Variants in OR6J1 observed in about 807,000 individuals in gnomAD.
OR6J1 encodes olfactory receptor family 6 subfamily J member 1.
For missense variants in OR6J1, 304 were observed against 166.8 expected (o/e 1.82, Z -4.53); for synonymous variants, 109 against 70.0 (o/e 1.56, Z -2.78).
chr14:22,641,707 TA>T (rs535015293), intron 1 of OR6J1, among the ~76,000 whole-genome samples: 4,247 of 152,076 alleles, frequency 0.028, 68 homozygotes, highest in Non-Finnish European at 0.041. Flanking sequence ...GCAGAGATGG[TA>T]AAAAAAATTG....
intron 1 of OR6J1, among the ~76,000 whole-genome samples, chr14:22,641,600 GATATAT>G (rs147818966): frequency 6.7e-6 from 1 of 150,168 alleles, no homozygotes; most frequent in Non-Finnish European, 1.5e-5. Flanking sequence ...ATTCTAAAAG[GATATAT>G]ATATATATAC....
At position 22,633,995 on chromosome 14, in the gene OR6J1, G is replaced by C; in HGVS notation, c.817C>G (p.Pro273Ala). Residue 273 changes from proline to alanine, a missense_variant, in exon 2 of 2, where the codon CCT becomes GCT. Coordinates refer to ENST00000540461, the MANE Select transcript of OR6J1 (RefSeq NM_001348233.2). ...GTCACCACACTGCTCAGAACCAAAG[G>C]GATCTTGTTGATCTCCAGATATTCT... The part of the protein sequence containing the change: ...QKEYLEINKI[P>A]LVLSSVVTPF... The C allele has an allele frequency of 1.4e-6, 1 of 702,832 alleles. No homozygotes were observed. The highest frequency in any genetic ancestry group is 2.6e-6 in the Non-Finnish European group (1 of 384,842). The allele number at this position is 702,832 out of a possible 1,614,324, so 43.5% of individuals were successfully genotyped here.
At chr14:22,641,787 C>T (rs970396373) in intron 1 of OR6J1, among the ~76,000 whole-genome samples, 2 of 152,048 alleles carry the variant, frequency 1.3e-5, no homozygotes, top group African/African-American at 4.8e-5. Flanking sequence ...ATCACAGAAA[C>T]AGAGGAAAAA....
At position 22,637,093 on chromosome 14, in the gene OR6J1, T is replaced by A. The variant is rs1477688757; in HGVS notation, c.-27-2255A>T. ...CTGTCTGGGATGTGAGGAGCGCCTC[T>A]GCTGGCCGCAACCCTGTCTGAGAGG... On this transcript the variant is annotated intron_variant, in intron 1 of 1. Transcript: ENST00000540461. Among the ~76,000 whole-genome samples, 11 of 119,472 alleles carry A rather than the reference T, an allele frequency of 9.2e-5. 2 individuals are homozygous for A. The highest frequency in any genetic ancestry group is 1.6e-4 in the Non-Finnish European group (10 of 61,254). 78.4% of individuals were successfully genotyped at this position (119,472 alleles called of 152,430 possible). A position where few individuals can be genotyped will look rare whatever the true frequency, so the allele number is the denominator to read the frequency against.
In OR6J1 at chr14:22,634,754, T is replaced by C. The variant is rs1249185468; in HGVS notation, c.58A>G (p.Arg20Gly). The C allele has an allele frequency of 4.3e-6, 3 of 704,750 alleles. No individual in the cohort carries two copies. Among genetic ancestry groups the C allele is most frequent in the East Asian group, 2.7e-5 (1 of 37,368 alleles). 43.7% of individuals were successfully genotyped at this position (704,750 alleles called of 1,614,324 possible). ...EFVLLGFSLSREVELLLLVLL... is the reference protein window; with the variant it reads ...EFVLLGFSLSGEVELLLLVLL... ...ACCAGGAGCAGCAGCTCCACCTCCC[T>C]GCTCAGGGAAAACCCCAGCAGAACA... Residue 20 changes from arginine to glycine, a missense_variant, in exon 2 of 2, where the codon AGG becomes GGG. Transcript: ENST00000540461.
intron 1 of OR6J1, among the ~76,000 whole-genome samples, chr14:22,635,987 T>C (rs978655334): frequency 3.3e-5 from 5 of 151,934 alleles, no homozygotes; most frequent in African/African-American, 1.2e-4. Context: ...AGCCTTCAAA[T>C]AAAGTTAAAG....
At chr14:22,637,154 A>G (rs1222026482) in intron 1 of OR6J1, among the ~76,000 whole-genome samples, 1 of 110,444 alleles carries the variant, frequency 9.1e-6, no homozygotes, top group Non-Finnish European at 1.7e-5. Context: ...CTGTCTGAGA[A>G]GTGAGGAAAC....
In OR6J1 at chr14:22,638,912, A is replaced by G. The variant is rs1280718852; in HGVS notation, c.-27-4074T>C. Among the ~76,000 whole-genome samples, 6 of 115,644 alleles carry G rather than the reference A, an allele frequency of 5.2e-5. 1 individual carries two copies. In the East Asian group the frequency reaches 6.8e-4, roughly 13 times the overall value. The allele number at this position is 115,644 out of a possible 152,430, so 75.9% of individuals were successfully genotyped here. On this transcript the variant is annotated intron_variant, in intron 1 of 1. Coordinates refer to ENST00000540461, the MANE Select transcript of OR6J1 (RefSeq NM_001348233.2). ...TTCCCAGCCGCCATCACATCTAGGA[A>G]GTGAGGAGCGTCTCTGCCCGGCCGC...
intron 1 of OR6J1, 104 bp downstream of exon 1, chr14:22,643,994 A>C (rs2139300626): frequency 6.6e-6 from 1 of 152,328 alleles, no homozygotes; most frequent in East Asian, 1.9e-4. Flanking sequence ...TCACATCAGA[A>C]ATATTAAGAA....
At chr14:22,639,207 C>T (rs1342383578) in intron 1 of OR6J1, among the ~76,000 whole-genome samples, 1 of 120,844 alleles carries the variant, frequency 8.3e-6, no homozygotes, top group African/African-American at 4.7e-5. Context: ...CTCCGCCCGG[C>T]AGCCACCCCG....
At chr14:22,639,679 C>A (rs999491602) in intron 1 of OR6J1, among the ~76,000 whole-genome samples, 1 of 125,802 alleles carries the variant, frequency 7.9e-6, no homozygotes, top group African/African-American at 4.1e-5. Flanking sequence ...TGATCTGTGA[C>A]CTTACCCCCA....
intron 1 of OR6J1, among the ~76,000 whole-genome samples, chr14:22,637,935 C>T (rs1407074916): frequency 1.2e-5 from 1 of 82,464 alleles, no homozygotes; most frequent in Non-Finnish European, 2.3e-5. Context: ...CCGGCCGCCC[C>T]GTCCGGGAGG....
chr14:22,643,748 C>CAG (rs2037668504), intron 1 of OR6J1, among the ~76,000 whole-genome samples: 1 of 108,584 alleles, frequency 9.2e-6, no homozygotes, highest in Admixed American at 1.1e-4. Context: ...CACACACACA[C>CAG]ACACACACAC....
chr14:22,639,047 C>T lies in OR6J1; in HGVS notation c.-27-4209G>A, dbSNP rs533473655. ...CTGGGAGGTGAGGAGCGTCTCTGCC[C>T]GGCCGCCCCGTCTGAGAAGTGAGGA... On this transcript the variant is annotated intron_variant, in intron 1 of 1. Coordinates refer to ENST00000540461, the MANE Select transcript of OR6J1 (RefSeq NM_001348233.2). Among the ~76,000 whole-genome samples, 14 of 101,016 alleles carry T rather than the reference C, an allele frequency of 1.4e-4. No individual in the cohort carries two copies. In the South Asian group the frequency reaches 1.5e-3, roughly 11 times the overall value. 66.3% of individuals were successfully genotyped at this position (101,016 alleles called of 152,430 possible). A position where few individuals can be genotyped will look rare whatever the true frequency, so the allele number is the denominator to read the frequency against.
In OR6J1 at chr14:22,641,227, AAGAAAGAAAG is replaced by A. The variant is rs1203884837; in HGVS notation, c.-28+2861_-28+2870del. On this transcript the variant is annotated intron_variant, in intron 1 of 1. Transcript: ENST00000540461. ...GAGAAAGATAAGAAAGAAAGAAAGA[AAGAAAGAAAG>A]AAAGAAAGAAAGAAAGAAAGAAAGA... 2.4e-3 allele frequency among the ~76,000 whole-genome samples: 80 copies of A among 33,976 alleles called. 6 individuals are homozygous for A. The highest frequency in any genetic ancestry group is 0.014 in the Middle Eastern group (1 of 74). 22.3% of individuals were successfully genotyped at this position (33,976 alleles called of 152,430 possible).
At chr14:22,639,155 C>T (rs1440536828) in intron 1 of OR6J1, among the ~76,000 whole-genome samples, 1 of 97,402 alleles carries the variant, frequency 1.0e-5, no homozygotes, top group Non-Finnish European at 2.0e-5. Flanking sequence ...AGTGAGGAGC[C>T]TCTCCGCCCG....
At position 22,641,210 on chromosome 14, in the gene OR6J1, T is replaced by TAAAGAAAGAAAGAAAGAAAGAAAGA. The variant is rs1163938326; in HGVS notation, c.-28+2887_-28+2888insTCTTTCTTTCTTTCTTTCTTTCTTT. 1.7e-4 allele frequency among the ~76,000 whole-genome samples: 21 copies of TAAAGAAAGAAAGAAAGAAAGAAAGA among 122,588 alleles called. 1 individual carries two copies. Among genetic ancestry groups the TAAAGAAAGAAAGAAAGAAAGAAAGA allele is most frequent in the East Asian group, 9.2e-4 (4 of 4,352 alleles). The allele number at this position is 122,588 out of a possible 152,430, so 80.4% of individuals were successfully genotyped here. A position where few individuals can be genotyped will look rare whatever the true frequency, so the allele number is the denominator to read the frequency against. On this transcript the variant is annotated intron_variant, in intron 1 of 1. Transcript: ENST00000540461. ...AGAGAGACAGAGAGGGAGAGAAAGA[T>TAAAGAAAGAAAGAAAGAAAGAAAGA]AAGAAAGAAAGAAAGAAAGAAAGAA... is the stretch of plus-strand genomic sequence containing the variant.
rs939407675 is a variant in OR6J1 at position 22,631,502 on chromosome 14, G to C, written c.*2266C>G. On this transcript the variant is annotated 3_prime_UTR_variant, in exon 2 of 2. Coordinates refer to ENST00000540461, the MANE Select transcript of OR6J1 (RefSeq NM_001348233.2). ...TCCCCCCGGCTCACCAGCGGTCAGA[G>C]TTTAAGGTTGTCTCTCTTATTCCCT... 2 of 152,210 alleles carry C rather than the reference G, an allele frequency of 1.3e-5. No homozygotes were observed. The highest frequency in any genetic ancestry group is 2.4e-5 in the African/African-American group (1 of 41,446). The allele number at this position is 152,210 out of a possible 1,614,324, so 9.4% of individuals were successfully genotyped here. A position where few individuals can be genotyped will look rare whatever the true frequency, so the allele number is the denominator to read the frequency against.
At chr14:22,637,654 C>G (rs1483091445) in intron 1 of OR6J1, among the ~76,000 whole-genome samples, 1 of 40,404 alleles carries the variant, frequency 2.5e-5, no homozygotes, top group Non-Finnish European at 4.6e-5. Flanking sequence ...GCCCCCCGCC[C>G]GGCCAGCTGC....
Sources: gnomAD v4.1 joint callset for allele counts (sites outside exome capture counted in the v4.1 genomes callset) on GRCh38, gnomAD v4.1.1 for gene constraint, MANE v1.5 for transcripts, NCBI Gene and HGNC (gene_info 2026-07-23, HGNC 2026-07-21) for gene names.